EPHA5: variants seen among roughly 807,000 people sequenced by gnomAD.
EPHA5 encodes the protein ephrin type-A receptor 5.
A neutral mutation model predicts 105.0 loss-of-function variants in EPHA5; 60 were observed. The ratio of observed to expected loss-of-function variants is 0.57; its 90% CI spans 0.46 to 0.71. The LOEUF is 0.71. Ranked by LOEUF, EPHA5 falls within the 30% of genes least tolerant of loss-of-function variation. The pLI, the probability that EPHA5 is intolerant of heterozygous loss-of-function variation, is 0.00. For missense variants in EPHA5, 1,218 were observed against 1,274.7 expected (o/e 0.96, Z 0.68); for synonymous variants, 513 against 449.1 (o/e 1.14, Z -1.80).
intron 3 of EPHA5, among the ~76,000 whole-genome samples, chr4:65,528,530 C>A (rs11737238): frequency 0.48 from 73,059 of 151,822 alleles, 17,801 homozygotes; most frequent in East Asian, 0.56. Context: ...TGTACAGGCA[C>A]TTGTTTATTA....
intron 2 of EPHA5, among the ~76,000 whole-genome samples, chr4:65,638,588 A>C (rs1747361640): frequency 6.6e-6 from 1 of 152,024 alleles, no homozygotes; most frequent in Non-Finnish European, 1.5e-5. Flanking sequence ...TAAAATACAA[A>C]ATTAGCCGGG....
At chr4:65,425,556 C>T (rs901038676) in intron 5 of EPHA5, among the ~76,000 whole-genome samples, 2 of 151,968 alleles carry the variant, frequency 1.3e-5, no homozygotes, top group Admixed American at 6.6e-5. Context: ...CAGTAAAATT[C>T]AGGAAGTAAT....
chr4:65,611,263 T>C (rs1047010843), intron 2 of EPHA5, among the ~76,000 whole-genome samples: 2 of 152,112 alleles, frequency 1.3e-5, no homozygotes, highest in Non-Finnish European at 2.9e-5. Flanking sequence ...TTTCAATATA[T>C]TTCGGTATAT....
At chr4:65,502,532 T>G (rs573514490) in intron 3 of EPHA5, among the ~76,000 whole-genome samples, 3 of 151,626 alleles carry the variant, frequency 2.0e-5, no homozygotes, top group East Asian at 3.9e-4. Context: ...GAGATGCAAA[T>G]CAAAACCACA....
chr4:65,633,351 C>T (rs1454581720), intron 2 of EPHA5, among the ~76,000 whole-genome samples: 2 of 148,434 alleles, frequency 1.3e-5, no homozygotes, highest in African/African-American at 2.4e-5. Flanking sequence ...GAATTGAAAA[C>T]AGCTGAAGGA....
At chr4:65,630,031 G>A (rs1448575403) in intron 2 of EPHA5, among the ~76,000 whole-genome samples, 1 of 150,618 alleles carries the variant, frequency 6.6e-6, no homozygotes, top group East Asian at 2.0e-4. Flanking sequence ...TCAGACATAA[G>A]CATAGCAGAA....
At chr4:65,414,172 G>C in intron 7 of EPHA5, 112 bp downstream of exon 7, 1 of 930,002 alleles carries the variant, frequency 1.1e-6, no homozygotes, top group Non-Finnish European at 1.7e-6. Flanking sequence ...ATGCCTGGGA[G>C]AGAGAGAGGG....
At chr4:65,368,772 G>C (rs1031368472) in intron 8 of EPHA5, among the ~76,000 whole-genome samples, 1 of 152,066 alleles carries the variant, frequency 6.6e-6, no homozygotes, top group African/African-American at 2.4e-5. Context: ...CACATTTCCT[G>C]CATCAACTCC....
At chr4:65,365,891 C>T (rs776002532) in intron 10 of EPHA5, 41 bp downstream of exon 10, 1 of 1,582,966 alleles carries the variant, frequency 6.3e-7, no homozygotes, top group Non-Finnish European at 8.6e-7. Flanking sequence ...TTCTGGAATG[C>T]AAACAAAAGT....
chr4:65,593,439 C>T (rs1742866421), intron 3 of EPHA5, among the ~76,000 whole-genome samples: 1 of 152,176 alleles, frequency 6.6e-6, no homozygotes, highest in African/African-American at 2.4e-5. Context: ...GAAAAACACA[C>T]TCACTGCAAG....
rs187545694 is a variant in EPHA5 at position 65,448,370 on chromosome 4, G to C, written c.1403-27805C>G. Reference sequence around the variant, plus strand: ...AAAAACAAAAATACATTTTAGGGCTGGGTGTGGTGGCTCATGCCTGTAATC... The same window carrying C: ...AAAAACAAAAATACATTTTAGGGCTCGGTGTGGTGGCTCATGCCTGTAATC... On this transcript the variant is annotated intron_variant, in intron 5 of 16. Coordinates refer to ENST00000613740, the MANE Select transcript of EPHA5 (RefSeq NM_001281766.3). Among the ~76,000 whole-genome samples, 285 of 152,210 alleles carry C rather than the reference G, an allele frequency of 1.9e-3. 1 individual carries two copies. The highest frequency in any genetic ancestry group is 6.0e-3 in the African/African-American group (251 of 41,540).
At chr4:65,596,246 A>G (rs920290901) in intron 3 of EPHA5, among the ~76,000 whole-genome samples, 1 of 152,120 alleles carries the variant, frequency 6.6e-6, no homozygotes, top group Non-Finnish European at 1.5e-5. Context: ...GTGGTTCTCA[A>G]CTGGGAGTGA....
chr4:65,398,025 C>T (rs541231902), intron 8 of EPHA5, among the ~76,000 whole-genome samples: 1 of 152,246 alleles, frequency 6.6e-6, no homozygotes, highest in South Asian at 2.1e-4. Flanking sequence ...GTAGAAGCCT[C>T]ACCACCCCCC....
intron 11 of EPHA5, among the ~76,000 whole-genome samples, chr4:65,354,509 A>C (rs1457854319): frequency 1.3e-5 from 2 of 151,764 alleles, no homozygotes; most frequent in Non-Finnish European, 2.9e-5. Flanking sequence ...TTTTGAGTTA[A>C]GAAAACAGAG....
intron 2 of EPHA5, among the ~76,000 whole-genome samples, chr4:65,624,443 G>T (rs1237162514): frequency 6.6e-6 from 1 of 152,104 alleles, no homozygotes; most frequent in Non-Finnish European, 1.5e-5. Flanking sequence ...ACAGACAGGG[G>T]CAAGAACTTT....
intron 3 of EPHA5, among the ~76,000 whole-genome samples, chr4:65,527,233 A>G (rs903125237): frequency 6.6e-6 from 1 of 152,144 alleles, no homozygotes; most frequent in Non-Finnish European, 1.5e-5. Context: ...GCAATAGCGA[A>G]AAAATTAGAA....
intron 11 of EPHA5, among the ~76,000 whole-genome samples, chr4:65,362,250 C>T (rs1717404651): frequency 6.6e-6 from 1 of 151,662 alleles, no homozygotes; most frequent in African/African-American, 2.4e-5. Flanking sequence ...CTCCCTACCT[C>T]AACTTCAATA....
intron 3 of EPHA5, among the ~76,000 whole-genome samples, chr4:65,600,522 T>A (rs947153700): frequency 2.0e-5 from 3 of 152,148 alleles, no homozygotes; most frequent in Non-Finnish European, 2.9e-5. Flanking sequence ...TTACAGGTAA[T>A]TTCCCTAGTT....
intron 14 of EPHA5, among the ~76,000 whole-genome samples, chr4:65,340,322 C>T (rs899707723): frequency 1.3e-5 from 2 of 152,080 alleles, no homozygotes; most frequent in African/African-American, 4.8e-5. Context: ...GTGCTCCATT[C>T]CCAGTGACTC....
Sources: gnomAD v4.1 joint callset for allele counts (sites outside exome capture counted in the v4.1 genomes callset) on GRCh38, gnomAD v4.1.1 for gene constraint, MANE v1.5 for transcripts, NCBI Gene and HGNC (gene_info 2026-07-23, HGNC 2026-07-21) for gene names.